SCAPER: variants seen among roughly 807,000 people sequenced by gnomAD.
SCAPER encodes the protein S-phase cyclin A associated protein in the ER.
SCAPER carries 98 observed loss-of-function variants against 182.2 expected under a neutral mutation model. That is an observed-to-expected ratio of 0.54 (90% CI 0.46 to 0.64). The LOEUF is 0.64. Among genes scored for constraint, SCAPER ranks in the 30% least tolerant of loss-of-function variants. SCAPER has a pLI of 0.00. For synonymous variants in SCAPER, 605 were observed against 564.6 expected, an observed-to-expected ratio of 1.07 and a Z score of -1.01; for missense variants, 1,432 against 1,690.0, an observed-to-expected ratio of 0.85 and a Z score of 2.68.
chr15:76,483,920 T>C (rs1488260320), intron 24 of SCAPER, among the ~76,000 whole-genome samples: 2 of 152,254 alleles, frequency 1.3e-5, no homozygotes, highest in East Asian at 3.9e-4. Context: ...AAAGTCACAT[T>C]GGAAGACAGT....
chr15:76,719,316 A>C (rs2060065915), intron 17 of SCAPER, among the ~76,000 whole-genome samples: 1 of 152,210 alleles, frequency 6.6e-6, no homozygotes, highest in Non-Finnish European at 1.5e-5. Flanking sequence ...GATCTCACTT[A>C]TATGTGAAAT....
At chr15:76,392,270 A>G (rs2043749183) in intron 27 of SCAPER, among the ~76,000 whole-genome samples, 1 of 152,216 alleles carries the variant, frequency 6.6e-6, no homozygotes, top group East Asian at 1.9e-4. Context: ...AGCTATCTCA[A>G]GTTTTTGGAA....
At chr15:76,391,803 G>A (rs2043718811) in intron 27 of SCAPER, among the ~76,000 whole-genome samples, 1 of 152,136 alleles carries the variant, frequency 6.6e-6, no homozygotes, top group Non-Finnish European at 1.5e-5. Flanking sequence ...TTTAACTCTA[G>A]ACACAAACCA....
intron 25 of SCAPER, among the ~76,000 whole-genome samples, chr15:76,442,645 A>G (rs1450795712): frequency 1.3e-5 from 2 of 152,232 alleles, no homozygotes; most frequent in Non-Finnish European, 2.9e-5. Context: ...TTAAATGTTT[A>G]TAGCTACCCT....
chr15:76,827,610 A>G (rs529688004), intron 5 of SCAPER, among the ~76,000 whole-genome samples: 7 of 152,194 alleles, frequency 4.6e-5, no homozygotes, highest in Non-Finnish European at 1.0e-4. Flanking sequence ...TCGGAGAGTA[A>G]TAAGAGTCTT....
rs2065251677 is a variant in SCAPER, at chr15:76,795,367, G to C, written c.685C>G (p.His229Asp). 6.2e-7 allele frequency: 1 copy of C among 1,613,276 alleles called. No individual in the cohort carries two copies. The highest frequency in any genetic ancestry group is 8.5e-7 in the Non-Finnish European group (1 of 1,179,382). The stretch of plus-strand genomic sequence containing the variant: ...GAAGAAGCAGTAGAGCCTGTATGAT[G>C]AGCCTTTACCTTGTCAGCCCAACTG... ...GVSWADKVKA[H>D]HTGSTASSEI... Residue 229 changes from histidine (H) to aspartate (D), a missense_variant, in exon 8 of 32, where the codon CAT becomes GAT. Physicochemically the swap from His to Asp is moderately conservative, Grantham distance 81. Coordinates refer to ENST00000563290, the MANE Select transcript of SCAPER (RefSeq NM_020843.4).
intron 25 of SCAPER, among the ~76,000 whole-genome samples, chr15:76,460,586 A>C (rs1441050685): frequency 6.6e-6 from 1 of 152,070 alleles, no homozygotes; most frequent in Admixed American, 6.6e-5. Flanking sequence ...TTTAGCCACT[A>C]TTTTTTACAA....
At chr15:76,833,058 C>T (rs939517904) in intron 5 of SCAPER, among the ~76,000 whole-genome samples, 4 of 152,086 alleles carry the variant, frequency 2.6e-5, no homozygotes, top group African/African-American at 9.6e-5. Flanking sequence ...GACAACCATC[C>T]CCCAGACACA....
At chr15:76,575,978 C>T (rs2047790075) in intron 22 of SCAPER, among the ~76,000 whole-genome samples, 1 of 152,222 alleles carries the variant, frequency 6.6e-6, no homozygotes, top group African/African-American at 2.4e-5. Flanking sequence ...TTATCCTTAT[C>T]ATGTAACATG....
rs961875891 is a variant in SCAPER, at chr15:76,375,966, T to C, written c.3855+196A>G. On this transcript the variant is annotated intron_variant, in intron 29 of 31. Transcript: ENST00000563290. ...CACCACTGCATTCCAGCCTGGGTGA[T>C]AGAGCGAGCCTCTGTCTCCAAAAGA... Among the ~76,000 whole-genome samples, 12 of 152,240 alleles carry C rather than the reference T, an allele frequency of 7.9e-5. No homozygotes were observed. The East Asian group carries it at 1.5e-3, about 20-fold the overall frequency.
chr15:76,767,126 A>C (rs1323310106), intron 10 of SCAPER, 38 bp from the exon 11 acceptor site: 15 of 1,498,890 alleles, frequency 1.0e-5, no homozygotes, highest in Non-Finnish European at 1.3e-5. Flanking sequence ...AAGAAAAATG[A>C]TCACTTGACT....
chr15:76,479,966 CA>C (rs2050971588), intron 24 of SCAPER, among the ~76,000 whole-genome samples: 1 of 152,198 alleles, frequency 6.6e-6, no homozygotes, highest in Non-Finnish European at 1.5e-5. Flanking sequence ...AATATGGCTG[CA>C]AAGAGAAACT....
intron 17 of SCAPER, among the ~76,000 whole-genome samples, chr15:76,723,103 T>C (rs1196106181): frequency 6.6e-6 from 1 of 152,172 alleles, no homozygotes; most frequent in Non-Finnish European, 1.5e-5. Flanking sequence ...GCTTTGAATG[T>C]GTCCCAGAGA....
intron 25 of SCAPER, among the ~76,000 whole-genome samples, chr15:76,436,055 T>A (rs566298309): frequency 1.3e-5 from 2 of 152,284 alleles, no homozygotes; most frequent in South Asian, 4.1e-4. Context: ...ATTTTCTTTG[T>A]TGGATTTTTT....
At chr15:76,520,044 C>T (rs552034131) in intron 23 of SCAPER, among the ~76,000 whole-genome samples, 2 of 152,252 alleles carry the variant, frequency 1.3e-5, no homozygotes, top group Admixed American at 6.5e-5. Context: ...AAGAATCTAA[C>T]TACTCACTCA....
chr15:76,703,819 T>C (rs768316474), intron 18 of SCAPER, among the ~76,000 whole-genome samples: 2 of 152,214 alleles, frequency 1.3e-5, no homozygotes, highest in Non-Finnish European at 2.9e-5. Context: ...CCATGCCTTA[T>C]CTCTGCATTC....
chr15:76,839,552 T>C (rs1432241949), intron 5 of SCAPER, among the ~76,000 whole-genome samples: 1 of 152,178 alleles, frequency 6.6e-6, no homozygotes, highest in Non-Finnish European at 1.5e-5. Context: ...AGGAGAAGAG[T>C]AGAATATAAA....
At chr15:76,545,353 T>C (rs1462557419) in intron 23 of SCAPER, among the ~76,000 whole-genome samples, 1 of 152,136 alleles carries the variant, frequency 6.6e-6, no homozygotes, top group Non-Finnish European at 1.5e-5. Context: ...GAGATGCAAC[T>C]GCTTGCCCAA....
intron 24 of SCAPER, among the ~76,000 whole-genome samples, chr15:76,490,126 T>A (rs920620414): frequency 6.6e-6 from 1 of 152,170 alleles, no homozygotes; most frequent in African/African-American, 2.4e-5. Context: ...AATATCTCTT[T>A]GAGATTGTGA....
Sources: allele counts gnomAD v4.1 joint callset (sites outside exome capture counted in the v4.1 genomes callset), GRCh38; gene constraint gnomAD v4.1.1; transcripts MANE v1.5; gene names NCBI Gene and HGNC (gene_info 2026-07-23, HGNC 2026-07-21).